Variants in SUGCT observed in about 807,000 individuals in gnomAD.
SUGCT encodes the protein succinyl-CoA:glutarate CoA-transferase.
Under a neutral mutation model 55.0 loss-of-function variants are expected in SUGCT, and 41 were observed. That is an observed-to-expected ratio of 0.74 (90% confidence interval 0.58 to 0.97). The LOEUF (loss-of-function observed/expected upper bound fraction) is 0.97, where lower values mean the gene tolerates loss of function less well. Among genes scored for constraint, SUGCT ranks in the 50% least tolerant of loss-of-function variants. The pLI, the probability that SUGCT is intolerant of heterozygous loss-of-function variation, is 0.00. For synonymous variants in SUGCT, 187 were observed against 200.4 expected, an observed-to-expected ratio of 0.93 and a Z score of 0.56; for missense variants, 568 against 547.8, an observed-to-expected ratio of 1.04 and a Z score of -0.37.
At chr7:40,410,681 G>A (rs1242114300) in intron 9 of SUGCT, among the ~76,000 whole-genome samples, 1 of 152,070 alleles carries the variant, frequency 6.6e-6, no homozygotes, top group Admixed American at 6.5e-5. Flanking sequence ...TATTTCTCTA[G>A]GAGGCATAGG....
chr7:40,891,347 T>G, the SUGCT span, among the ~76,000 whole-genome samples: 3 of 152,168 alleles, frequency 2.0e-5, no homozygotes, highest in Admixed American at 6.5e-5. Flanking sequence ...AGATCTTCAC[T>G]GAGACACATT....
the SUGCT span, among the ~76,000 whole-genome samples, chr7:40,991,178 T>C: frequency 6.6e-6 from 1 of 152,180 alleles, no homozygotes; most frequent in Non-Finnish European, 1.5e-5. Flanking sequence ...ATTGCAGGGT[T>C]ATTAATTAGC....
intron 13 of SUGCT, among the ~76,000 whole-genome samples, chr7:40,775,067 T>C (rs949275257): frequency 5.3e-5 from 8 of 152,130 alleles, no homozygotes; most frequent in Admixed American, 2.6e-4. Context: ...TGTGGTGTTA[T>C]TGGGGTTTCT....
At chr7:40,465,558 C>T (rs1338559610) in intron 11 of SUGCT, among the ~76,000 whole-genome samples, 5 of 151,790 alleles carry the variant, frequency 3.3e-5, no homozygotes, top group East Asian at 3.9e-4. Context: ...TGCAGTGAGC[C>T]GAGATCATGC....
intron 6 of SUGCT, among the ~76,000 whole-genome samples, chr7:40,226,421 C>T (rs1325148832): frequency 6.6e-6 from 1 of 152,062 alleles, no homozygotes; most frequent in Non-Finnish European, 1.5e-5. Context: ...AAACTTTGGA[C>T]CATTTGCTGA....
chr7:40,526,441 C>G (rs1479906271), intron 12 of SUGCT, among the ~76,000 whole-genome samples: 2 of 152,158 alleles, frequency 1.3e-5, no homozygotes, highest in Admixed American at 1.3e-4. Flanking sequence ...GTACTTCATA[C>G]TTTAATATGC....
intron 9 of SUGCT, among the ~76,000 whole-genome samples, chr7:40,434,905 G>T (rs1242615409): frequency 6.6e-6 from 1 of 151,892 alleles, no homozygotes; most frequent in Non-Finnish European, 1.5e-5. Context: ...TTAATATTTG[G>T]TTACTCCATG....
At chr7:40,963,348 T>C in the SUGCT span, among the ~76,000 whole-genome samples, 1 of 152,206 alleles carries the variant, frequency 6.6e-6, no homozygotes, top group African/African-American at 2.4e-5. Flanking sequence ...GATTTCTTCA[T>C]TGATTTTTAC....
rs141142868 is a variant in SUGCT at position 40,264,634 on chromosome 7, A to G, written c.577-9879A>G. 6.0e-3 allele frequency among the ~76,000 whole-genome samples: 919 copies of G among 152,352 alleles called. 9 individuals carry two copies. The highest frequency in any genetic ancestry group is 0.021 in the African/African-American group (869 of 41,570). ...GACAGTTTTCCTGCTAGTTAGGGCT[A>G]CAAGTCATGAGAATAGTGGTTTTAA... On this transcript the variant is annotated intron_variant, in intron 7 of 13. Transcript: ENST00000335693.
chr7:40,235,376 G>A (rs1375328839), intron 6 of SUGCT, among the ~76,000 whole-genome samples: 1 of 152,100 alleles, frequency 6.6e-6, no homozygotes, highest in African/African-American at 2.4e-5. Context: ...TGCCCAGGCT[G>A]GAGTGCAGTG....
At chr7:40,930,604 TG>T in the SUGCT span, among the ~76,000 whole-genome samples, 6,220 of 152,282 alleles carry the variant, frequency 0.041, 141 homozygotes, top group South Asian at 0.074. Context: ...TGTTGAGCAG[TG>T]GTTTGTAGTT....
At chr7:40,764,797 T>C (rs1215449103) in intron 13 of SUGCT, among the ~76,000 whole-genome samples, 1 of 152,176 alleles carries the variant, frequency 6.6e-6, no homozygotes. Context: ...TGCTACCTTC[T>C]GTACAAGGTG....
At chr7:40,723,100 T>C (rs542986465) in intron 12 of SUGCT, among the ~76,000 whole-genome samples, 1 of 152,266 alleles carries the variant, frequency 6.6e-6, no homozygotes, top group Non-Finnish European at 1.5e-5. Flanking sequence ...TTCCAAAGCT[T>C]TGTGCTTTGT....
chr7:40,452,304 C>G (rs1789235536), intron 10 of SUGCT, among the ~76,000 whole-genome samples: 1 of 152,118 alleles, frequency 6.6e-6, no homozygotes, highest in Non-Finnish European at 1.5e-5. Context: ...GGATGCCACC[C>G]AAATGGGTAT....
Position 40,359,164 on chromosome 7 carries a change from C to CATGTATGTATGT in SUGCT, c.816+42324_816+42335dup, listed in dbSNP as rs112419807. Among the ~76,000 whole-genome samples, 5 of 151,784 alleles carry CATGTATGTATGT rather than the reference C, an allele frequency of 3.3e-5. No individual in the cohort carries two copies. The South Asian group carries it at 6.2e-4, about 19-fold the overall frequency. On this transcript the variant is annotated intron_variant, in intron 9 of 13. Coordinates refer to ENST00000335693, the MANE Select transcript of SUGCT (RefSeq NM_001193313.2). Reference sequence around the variant, plus strand: ...GTTCTGTCATGTATGTATGTATGTACATGTATGTATGTATGTATGTATGTA... The same window carrying CATGTATGTATGT: ...GTTCTGTCATGTATGTATGTATGTACATGTATGTATGTATGTATGTATGTATGTATGTATGTA...
rs370772608 is a variant in SUGCT at position 40,199,679 on chromosome 7, C to T, written c.484+4619C>T. ...ACTACATTTTAAAATGTTATTTCTC[C>T]TGTTCTTGTTAATTTCATTACTCTT... On this transcript the variant is annotated intron_variant, in intron 6 of 13. Transcript: ENST00000335693. 2.8e-3 allele frequency among the ~76,000 whole-genome samples: 422 copies of T among 152,140 alleles called. 1 individual carries two copies. The highest frequency in any genetic ancestry group is 9.5e-3 in the African/African-American group (395 of 41,492).
At chr7:40,383,300 C>G (rs1784961363) in intron 9 of SUGCT, among the ~76,000 whole-genome samples, 2 of 152,130 alleles carry the variant, frequency 1.3e-5, no homozygotes, top group Non-Finnish European at 2.9e-5. Context: ...GATGAAGAAA[C>G]TAGAATCCAT....
chr7:40,981,034 G>A, the SUGCT span, among the ~76,000 whole-genome samples: 3 of 152,068 alleles, frequency 2.0e-5, no homozygotes, highest in Admixed American at 6.6e-5. Context: ...ATCCTCTTTG[G>A]TTTGCTCCTC....
At chr7:40,833,666 C>A (rs1336550760) in intron 13 of SUGCT, among the ~76,000 whole-genome samples, 2 of 152,186 alleles carry the variant, frequency 1.3e-5, no homozygotes, top group African/African-American at 4.8e-5. Flanking sequence ...TAATGCATAG[C>A]CACCTGCTTT....
Sources: gnomAD v4.1 joint callset for allele counts (sites outside exome capture counted in the v4.1 genomes callset) on GRCh38, gnomAD v4.1.1 for gene constraint, MANE v1.5 for transcripts, NCBI Gene and HGNC (gene_info 2026-07-23, HGNC 2026-07-21) for gene names.